Variants in EYS observed in about 807,000 individuals in gnomAD.
EYS encodes protein eyes shut homolog.
Under a neutral mutation model 282.1 loss-of-function variants are expected in EYS, and 250 were observed. That is an observed-to-expected ratio of 0.89 (90% CI 0.80 to 0.98). The LOEUF is 0.98. Ranked by LOEUF, EYS falls within the 50% of genes least tolerant of loss-of-function variation. The pLI is 0.00. For missense variants in EYS, 4,016 were observed against 3,709.0 expected (o/e 1.08, Z -2.15); for synonymous variants, 1,355 against 1,282.9 (o/e 1.06, Z -1.20).
chr6:64,941,027 A>C, intron 15 of EYS, among the ~76,000 whole-genome samples: 1 of 152,104 alleles, frequency 6.6e-6, no homozygotes, highest in East Asian at 1.9e-4. Context: ...GTTATGATAT[A>C]CTTGATTATG....
chr6:65,015,768 C>G (rs1464007422), intron 13 of EYS, among the ~76,000 whole-genome samples: 1 of 149,606 alleles, frequency 6.7e-6, no homozygotes, highest in South Asian at 2.1e-4. Context: ...GGTGCAGTGG[C>G]TCACATCTGT....
At chr6:64,256,878 G>A (rs904300307) in intron 30 of EYS, among the ~76,000 whole-genome samples, 15 of 151,858 alleles carry the variant, frequency 9.9e-5, no homozygotes, top group Admixed American at 2.0e-4. Flanking sequence ...GTTACATCAC[G>A]GATAACAAGA....
chr6:64,769,227 C>A (rs1773450785), intron 22 of EYS, among the ~76,000 whole-genome samples: 1 of 151,990 alleles, frequency 6.6e-6, no homozygotes, highest in Non-Finnish European at 1.5e-5. Context: ...TCTGCAGATA[C>A]CAGCTGAACT....
intron 26 of EYS, among the ~76,000 whole-genome samples, chr6:64,481,399 G>C (rs1316892278): frequency 1.4e-5 from 2 of 147,292 alleles, no homozygotes; most frequent in Non-Finnish European, 3.0e-5. Context: ...TAACTCTGTT[G>C]CAGAGTGAAA....
At chr6:64,742,161 AT>A (rs1772396518) in intron 22 of EYS, among the ~76,000 whole-genome samples, 2 of 152,090 alleles carry the variant, frequency 1.3e-5, no homozygotes, top group South Asian at 2.1e-4. Flanking sequence ...AGGGTTATTA[AT>A]TGGCTTAATT....
intron 2 of EYS, among the ~76,000 whole-genome samples, chr6:65,598,119 AAAAC>A (rs78092251): frequency 0.29 from 42,830 of 149,268 alleles, 6,449 homozygotes; most frequent in South Asian, 0.45. Context: ...AAAACAAAAC[AAAAC>A]AAACAAACAA....
At chr6:65,198,417 G>T (rs1239958699) in intron 12 of EYS, among the ~76,000 whole-genome samples, 5 of 152,134 alleles carry the variant, frequency 3.3e-5, no homozygotes, top group African/African-American at 1.2e-4. Context: ...CAGTCTCACA[G>T]TAGTTTATTA....
At chr6:64,164,101 T>C (rs1775193529) in intron 31 of EYS, among the ~76,000 whole-genome samples, 1 of 152,050 alleles carries the variant, frequency 6.6e-6, no homozygotes, top group African/African-American at 2.4e-5. Flanking sequence ...GATCTTGAGG[T>C]ATCTGCAGGC....
chr6:64,476,099 A>T (rs1368597734), intron 26 of EYS, among the ~76,000 whole-genome samples: 1 of 152,064 alleles, frequency 6.6e-6, no homozygotes, highest in Non-Finnish European at 1.5e-5. Context: ...GTTTGTTCTG[A>T]CTTTTCTATT....
rs142823426 is a variant in EYS at position 65,504,908 on chromosome 6, G to T, written c.-332-8915C>A. The stretch of plus-strand genomic sequence containing the variant: ...ACATTTGTCTACTTTTGGAATTAGG[G>T]TAATGCTAGCCTCAGGAAATGACTT... On this transcript the variant is annotated intron_variant, in intron 2 of 42. Coordinates refer to ENST00000503581, the MANE Select transcript of EYS (RefSeq NM_001142800.2). 9.4e-3 allele frequency among the ~76,000 whole-genome samples: 1,424 copies of T among 151,722 alleles called. 7 individuals carry two copies. Among genetic ancestry groups the T allele is most frequent in the Non-Finnish European group, 0.016 (1,065 of 67,694 alleles).
intron 4 of EYS, among the ~76,000 whole-genome samples, chr6:65,494,439 G>A (rs755913988): frequency 5.3e-4 from 79 of 149,980 alleles, no homozygotes; most frequent in Non-Finnish European, 1.0e-3. Flanking sequence ...CACCATGCTC[G>A]GCTAATTTTT....
chr6:64,979,988 C>T (rs145858211), intron 14 of EYS, among the ~76,000 whole-genome samples: 222 of 151,548 alleles, frequency 1.5e-3, no homozygotes, highest in African/African-American at 5.1e-3. Flanking sequence ...GAGACACTAC[C>T]AAACTCTTTG....
intron 1 of EYS, among the ~76,000 whole-genome samples, chr6:65,699,885 C>A (rs139066514): frequency 6.6e-6 from 1 of 151,704 alleles, no homozygotes; most frequent in African/African-American, 2.4e-5. Context: ...GAGGCCGAGG[C>A]GGGCGAATCA....
At chr6:65,609,644 CTT>C (rs1765924168) in intron 2 of EYS, among the ~76,000 whole-genome samples, 1 of 152,180 alleles carries the variant, frequency 6.6e-6, no homozygotes, top group South Asian at 2.1e-4. Context: ...TACATTCACT[CTT>C]TATCAGATAT....
At chr6:64,046,287 T>G (rs1425061972) in intron 33 of EYS, among the ~76,000 whole-genome samples, 3 of 151,982 alleles carry the variant, frequency 2.0e-5, no homozygotes, top group Non-Finnish European at 2.9e-5. Flanking sequence ...ATTTCAGACC[T>G]AAAATACAAA....
At chr6:64,448,680 G>T (rs934152083) in intron 26 of EYS, among the ~76,000 whole-genome samples, 1 of 152,192 alleles carries the variant, frequency 6.6e-6, no homozygotes, top group Non-Finnish European at 1.5e-5. Flanking sequence ...CGATCAGGCA[G>T]CAGCATTTGC....
At chr6:64,744,740 GA>G (rs1772497148) in intron 22 of EYS, among the ~76,000 whole-genome samples, 2 of 152,066 alleles carry the variant, frequency 1.3e-5, no homozygotes, top group Non-Finnish European at 2.9e-5. Context: ...AATAAAATAT[GA>G]TTGAGAAATT....
intron 13 of EYS, among the ~76,000 whole-genome samples, chr6:65,008,310 A>C (rs1250546112): frequency 6.6e-6 from 1 of 152,140 alleles, no homozygotes; most frequent in Non-Finnish European, 1.5e-5. Flanking sequence ...TTAAAGGATA[A>C]ATTTATCACT....
intron 1 of EYS, among the ~76,000 whole-genome samples, chr6:65,662,839 G>A (rs1452613756): frequency 6.6e-6 from 1 of 152,066 alleles, no homozygotes; most frequent in Non-Finnish European, 1.5e-5. Context: ...GTTAGTCAAG[G>A]TTGTTATAAA....
Sources: allele counts gnomAD v4.1 joint callset (sites outside exome capture counted in the v4.1 genomes callset), GRCh38; gene constraint gnomAD v4.1.1; transcripts MANE v1.5; gene names NCBI Gene and HGNC (gene_info 2026-07-23, HGNC 2026-07-21).